VSIR: variants seen among roughly 807,000 people sequenced by gnomAD.
The protein encoded by VSIR is V-set immunoregulatory receptor.
Under a neutral mutation model 31.0 loss-of-function variants are expected in VSIR, and 10 were observed. The observed-to-expected ratio is 0.32, with a 90% CI of 0.20 to 0.55. The LOEUF (loss-of-function observed/expected upper bound fraction) is 0.55, where lower values mean the gene tolerates loss of function less well. Ranked by LOEUF, VSIR falls within the 20% of genes least tolerant of loss-of-function variation. VSIR has a pLI of 0.93. For synonymous variants in VSIR, 179 were observed against 180.1 expected (o/e 0.99, Z 0.05); for missense variants, 356 against 416.2 (o/e 0.86, Z 1.26).
rs138475437 is a variant in VSIR, at chr10:71,770,637, C to A, written c.82+2721G>T. Among the ~76,000 whole-genome samples, 103 of 152,314 alleles carry A rather than the reference C, an allele frequency of 6.8e-4. 1 individual carries two copies. Among genetic ancestry groups the A allele is most frequent in the African/African-American group, 1.8e-3 (75 of 41,562 alleles). On this transcript the variant is annotated intron_variant, in intron 1 of 6. Transcript: ENST00000394957. ...TTGGTATGTGGGGCTCGCTCACTGC[C>A]AACGGGTTCTCCTTGAGGATCCCTT... is the stretch of plus-strand genomic sequence containing the variant.
intron 3 of VSIR, among the ~76,000 whole-genome samples, chr10:71,759,996 C>CACAT (rs1554868579): frequency 1.0e-4 from 4 of 38,938 alleles, no homozygotes; most frequent in Non-Finnish European, 2.0e-4. Flanking sequence ...TATACACACA[C>CACAT]ACATACATAT....
intron 5 of VSIR, chr10:71,752,205 A>C (rs1840022384): frequency 4.6e-6 from 2 of 431,728 alleles, no homozygotes; most frequent in African/African-American, 2.0e-5. Context: ...CTCTTTGGTC[A>C]ATAGAGTTGA....
rs760000245 is a variant in VSIR, at chr10:71,751,711, G to C, written c.855C>G (p.Pro285=). The part of the protein sequence containing the change: ...GRHLLSEPST[P]LSPPGPGDVF... ...CGTCTCCGGGGCCTGGAGGAGACAGGGGGGTGCTGGGCTCCGAAAGCAGAT... is the reference window on the plus strand; with the variant it reads ...CGTCTCCGGGGCCTGGAGGAGACAGCGGGGTGCTGGGCTCCGAAAGCAGAT... Residue 285 remains proline, a synonymous_variant, in exon 6 of 7, where the codon CCC becomes CCG. Coordinates refer to ENST00000394957, the MANE Select transcript of VSIR (RefSeq NM_022153.2). This position sits in a 1 kb window ranked among gnomAD's most constrained non-coding sequence, Gnocchi z 4.9. 7.6e-6 allele frequency: 12 copies of C among 1,570,896 alleles called. No homozygotes were observed. In the South Asian group the frequency reaches 8.2e-5, roughly 11 times the overall value.
At chr10:71,773,240 G>A in intron 1 of VSIR, 118 bp downstream of exon 1, 1 of 1,179,494 alleles carries the variant, frequency 8.5e-7, no homozygotes, top group Non-Finnish European at 1.2e-6. Flanking sequence ...TGGGTGGAGT[G>A]GGGTGCACGG....
intron 1 of VSIR, among the ~76,000 whole-genome samples, chr10:71,766,433 G>A (rs1840546322): frequency 6.6e-6 from 1 of 152,130 alleles, no homozygotes; most frequent in Non-Finnish European, 1.5e-5. Context: ...ACCTGGGAAA[G>A]CCTGAGTCTC....
At chr10:71,765,362 G>A (rs7902595) in intron 1 of VSIR, among the ~76,000 whole-genome samples, 2,576 of 152,378 alleles carry the variant, frequency 0.017, 76 homozygotes, top group African/African-American at 0.058. Flanking sequence ...CAGGCCAGAG[G>A]AGGGTATGGC....
intron 1 of VSIR, among the ~76,000 whole-genome samples, chr10:71,765,107 G>A (rs576263204): frequency 9.8e-5 from 15 of 152,320 alleles, no homozygotes; most frequent in African/African-American, 3.4e-4. Context: ...CTCCCAGGAA[G>A]AAACAAAACC....
In VSIR at chr10:71,751,729, A is replaced by T; in HGVS notation, c.837T>A (p.Leu279=). ...GAGACAGGGGGGTGCTGGGCTCCGA[A>T]AGCAGATGCCGCCCAGACTCAGAAG... ...RQPSESGRHL[L]SEPSTPLSPP... Residue 279 remains leucine (L), a synonymous_variant, in exon 6 of 7, where the codon CTT becomes CTA. Coordinates refer to ENST00000394957, the MANE Select transcript of VSIR (RefSeq NM_022153.2). The surrounding 1 kb of genome is among the most constrained non-coding windows in gnomAD (Gnocchi z 4.9). The T allele has an allele frequency of 6.3e-7, 1 of 1,587,378 alleles. No homozygotes were observed.
intron 2 of VSIR, among the ~76,000 whole-genome samples, chr10:71,761,173 T>C (rs1445329832): frequency 2.0e-5 from 3 of 152,064 alleles, no homozygotes; most frequent in Non-Finnish European, 4.4e-5. Context: ...ATCCGAACCA[T>C]GGGCCCTTGC....
chr10:71,755,183 C>A, intron 4 of VSIR, 176 bp downstream of exon 4: 1 of 712,010 alleles, frequency 1.4e-6, no homozygotes, highest in South Asian at 1.5e-5. Flanking sequence ...AAATGGCATG[C>A]CTCCTTTCTC....
At position 71,755,420 on chromosome 10, in the gene VSIR, G is replaced by T. The variant is rs1196839951; in HGVS notation, c.615C>A (p.Ile205=). 1 of 1,613,512 alleles carries T rather than the reference G, an allele frequency of 6.2e-7. No individual in the cohort carries two copies. The highest frequency in any genetic ancestry group is 8.5e-7 in the Non-Finnish European group (1 of 1,179,892). The part of the protein sequence containing the change: ...ALATGACIVG[I]LCLPLILLLV... ...GGAGCAGGATGAGGGGGAGGCAGAG[G>T]ATTCCTACGATGCAGGCACCCGTAG... is the stretch of plus-strand genomic sequence containing the variant. Residue 205 remains isoleucine (I), a synonymous_variant, in exon 4 of 7, where the codon ATC becomes ATA. Transcript: ENST00000394957.
intron 1 of VSIR, among the ~76,000 whole-genome samples, chr10:71,770,350 C>T (rs1840658483): frequency 6.6e-6 from 1 of 152,208 alleles, no homozygotes; most frequent in Non-Finnish European, 1.5e-5. Flanking sequence ...ATAACTTGTC[C>T]AATATCACAG....
intron 1 of VSIR, among the ~76,000 whole-genome samples, chr10:71,762,991 G>A (rs765889181): frequency 2.2e-4 from 34 of 152,168 alleles, no homozygotes; most frequent in Middle Eastern, 3.2e-3. Context: ...GATAGAGGCC[G>A]CGTTTCTATC....
intron 1 of VSIR, among the ~76,000 whole-genome samples, chr10:71,768,330 C>T (rs188952732): frequency 3.2e-4 from 49 of 152,236 alleles, no homozygotes; most frequent in African/African-American, 1.1e-3. Flanking sequence ...GCCACCACGC[C>T]TGGCTAATTT....
intron 3 of VSIR, among the ~76,000 whole-genome samples, chr10:71,760,314 C>CATAT (rs71018220): frequency 0.067 from 5,477 of 82,296 alleles, 309 homozygotes; most frequent in Non-Finnish European, 0.096. Context: ...TATACACACA[C>CATAT]ATATATATAT....
chr10:71,763,072 A>G (rs1840437121), intron 1 of VSIR, among the ~76,000 whole-genome samples: 2 of 152,254 alleles, frequency 1.3e-5, no homozygotes. Flanking sequence ...GGGTTGCAAA[A>G]GGACTAGATG....
intron 1 of VSIR, among the ~76,000 whole-genome samples, chr10:71,767,519 G>A (rs1269136328): frequency 6.6e-6 from 1 of 152,226 alleles, no homozygotes; most frequent in Admixed American, 6.5e-5. Context: ...AATGGGACCT[G>A]GTTCCAGCTC....
Position 71,751,195 on chromosome 10 carries a change from T to C in VSIR, c.*58A>G. ...AGGAGGCCACTCACAGAGCCAGCCC[T>C]GGCTCAAATGCACCTGCCCCAGACC... is the stretch of plus-strand genomic sequence containing the variant. On this transcript the variant is annotated 3_prime_UTR_variant, in exon 7 of 7. Transcript: ENST00000394957. The surrounding 1 kb of genome is among the most constrained non-coding windows in gnomAD (Gnocchi z 4.9). 2 of 1,572,084 alleles carry C rather than the reference T, an allele frequency of 1.3e-6. No homozygotes were observed. Among genetic ancestry groups the C allele is most frequent in the Non-Finnish European group, 8.7e-7 (1 of 1,154,964 alleles).
chr10:71,769,903 A>C (rs576507162), intron 1 of VSIR, among the ~76,000 whole-genome samples: 70 of 152,334 alleles, frequency 4.6e-4, no homozygotes, highest in Middle Eastern at 3.4e-3. Flanking sequence ...AAGATCCACC[A>C]AGATAAGCAA....
Sources: gnomAD v4.1 joint callset for allele counts (sites outside exome capture counted in the v4.1 genomes callset) on GRCh38, gnomAD v4.1.1 for gene constraint, Gnocchi (gnomAD v3.1) non-coding constraint, MANE v1.5 for transcripts, NCBI Gene and HGNC (gene_info 2026-07-23, HGNC 2026-07-21) for gene names.